Variants in SLC24A2 observed in about 807,000 individuals in gnomAD.
SLC24A2 encodes solute carrier family 24 member 2.
In SLC24A2, 36 loss-of-function variants were observed where a neutral mutation model predicts 62.0. The ratio of observed to expected loss-of-function variants is 0.58; its 90% CI spans 0.44 to 0.77. SLC24A2 has a LOEUF of 0.77. SLC24A2 is among the 30% of genes least tolerant of loss of function. The pLI, the probability that SLC24A2 is intolerant of heterozygous loss-of-function variation, is 0.00. For synonymous variants in SLC24A2, 358 were observed against 294.0 expected, an observed-to-expected ratio of 1.22 and a Z score of -2.23; for missense variants, 846 against 817.9, an observed-to-expected ratio of 1.03 and a Z score of -0.42.
At chr9:20,002,365 C>CTT in the SLC24A2 span, among the ~76,000 whole-genome samples, 31 of 130,232 alleles carry the variant, frequency 2.4e-4, no homozygotes, top group East Asian at 4.4e-4. Flanking sequence ...AGCTACAAAC[C>CTT]TTTTTTTTTT....
At chr9:19,600,678 C>G (rs1314065898) in intron 4 of SLC24A2, among the ~76,000 whole-genome samples, 1 of 152,138 alleles carries the variant, frequency 6.6e-6, no homozygotes, top group Non-Finnish European at 1.5e-5. Context: ...AGCCTTGCTT[C>G]TCTGTGGTGT....
chr9:19,597,241 T>C lies in SLC24A2; in HGVS notation c.1117A>G (p.Met373Val), dbSNP rs1836727245. ...SYGKLKYYDT[M>V]TEEGRFREKA... ...AAATCATTCTTACCTTCTTCAGTCA[T>C]TGTGTCATAATATTTTAGTTTTCCA... Residue 373 changes from methionine (M) to valine (V), a missense_variant, in exon 5 of 11, where the codon ATG (methionine) becomes GTG (valine). Physicochemically the swap from Met to Val is conservative, Grantham distance 21. Coordinates refer to ENST00000341998, the MANE Select transcript of SLC24A2 (RefSeq NM_020344.4). 2 of 1,585,874 alleles carry C rather than the reference T, an allele frequency of 1.3e-6. No homozygotes were observed. Among genetic ancestry groups the C allele is most frequent in the East Asian group, 2.2e-5 (1 of 44,708 alleles).
the SLC24A2 span, among the ~76,000 whole-genome samples, chr9:19,871,046 T>G: frequency 1.3e-5 from 2 of 152,094 alleles, no homozygotes; most frequent in Non-Finnish European, 2.9e-5. Flanking sequence ...GCTTTTGCTG[T>G]CATATCTAAG....
At chr9:19,777,321 T>C (rs1822874136) in intron 2 of SLC24A2, among the ~76,000 whole-genome samples, 3 of 152,224 alleles carry the variant, frequency 2.0e-5, no homozygotes, top group Non-Finnish European at 4.4e-5. Context: ...CTACGTTTCA[T>C]CTATGAAATT....
At chr9:20,104,562 A>G in the SLC24A2 span, among the ~76,000 whole-genome samples, 1 of 152,248 alleles carries the variant, frequency 6.6e-6, no homozygotes, top group Non-Finnish European at 1.5e-5. Context: ...CTTAAAGAAA[A>G]GAACTTTCAA....
At chr9:20,055,260 C>A in the SLC24A2 span, among the ~76,000 whole-genome samples, 1 of 151,966 alleles carries the variant, frequency 6.6e-6, no homozygotes. Flanking sequence ...TTTACTTCTG[C>A]AAAATTTTTC....
At chr9:19,988,039 G>A in the SLC24A2 span, among the ~76,000 whole-genome samples, 1 of 152,200 alleles carries the variant, frequency 6.6e-6, no homozygotes, top group Non-Finnish European at 1.5e-5. Flanking sequence ...TATGACTGCT[G>A]TGGAAATAGT....
At chr9:20,276,577 C>A in the SLC24A2 span, among the ~76,000 whole-genome samples, 1 of 152,174 alleles carries the variant, frequency 6.6e-6, no homozygotes, top group South Asian at 2.1e-4. Flanking sequence ...ATGATGGTGT[C>A]CCTCTTCTCA....
chr9:20,239,959 A>T, the SLC24A2 span, among the ~76,000 whole-genome samples: 1 of 151,744 alleles, frequency 6.6e-6, no homozygotes, highest in Non-Finnish European at 1.5e-5. Flanking sequence ...TTGCCCATGA[A>T]TGGGTTAGGA....
At chr9:19,848,483 C>A in the SLC24A2 span, among the ~76,000 whole-genome samples, 1 of 151,934 alleles carries the variant, frequency 6.6e-6, no homozygotes, top group African/African-American at 2.4e-5. Flanking sequence ...TAGCAGTGTA[C>A]GTAACATATT....
the SLC24A2 span, among the ~76,000 whole-genome samples, chr9:20,281,611 C>T: frequency 6.6e-6 from 1 of 152,166 alleles, no homozygotes. Flanking sequence ...TTTTGTGCCA[C>T]ATAGTGTTGG....
the SLC24A2 span, among the ~76,000 whole-genome samples, chr9:19,834,092 A>G: frequency 6.6e-6 from 1 of 152,218 alleles, no homozygotes; most frequent in East Asian, 1.9e-4. Context: ...CCATCATCAA[A>G]GACCAAAGGT....
intron 5 of SLC24A2, 76 bp from the exon 6 acceptor site, chr9:19,577,098 C>T: frequency 7.0e-6 from 8 of 1,147,330 alleles, no homozygotes; most frequent in Non-Finnish European, 1.1e-5. Flanking sequence ...GGTATGTGGC[C>T]TCCTCAGTCA....
At chr9:19,561,305 T>C (rs1248040109) in intron 7 of SLC24A2, among the ~76,000 whole-genome samples, 1 of 151,450 alleles carries the variant, frequency 6.6e-6, no homozygotes, top group Non-Finnish European at 1.5e-5. Context: ...TTACCTCTTA[T>C]CCATAAGATA....
At chr9:20,117,440 G>A in the SLC24A2 span, among the ~76,000 whole-genome samples, 1 of 152,004 alleles carries the variant, frequency 6.6e-6, no homozygotes, top group Non-Finnish European at 1.5e-5. Flanking sequence ...TCTTTACTAT[G>A]ACAACAAGAA....
At chr9:20,269,834 C>A in the SLC24A2 span, among the ~76,000 whole-genome samples, 2 of 152,072 alleles carry the variant, frequency 1.3e-5, no homozygotes, top group Non-Finnish European at 2.9e-5. Context: ...AGGACTTGAC[C>A]GCTTTCTTGT....
chr9:19,942,311 A>G, the SLC24A2 span, among the ~76,000 whole-genome samples: 1 of 152,186 alleles, frequency 6.6e-6, no homozygotes, highest in Non-Finnish European at 1.5e-5. Context: ...CAAAGATTCA[A>G]GTACTAAAGA....
At chr9:20,174,258 G>A in the SLC24A2 span, among the ~76,000 whole-genome samples, 39,723 of 151,900 alleles carry the variant, frequency 0.26, 6,652 homozygotes, top group Non-Finnish European at 0.38. Flanking sequence ...AGAAGATAAT[G>A]TCGGAAAAAC....
At chr9:20,190,311 T>C in the SLC24A2 span, among the ~76,000 whole-genome samples, 1 of 152,110 alleles carries the variant, frequency 6.6e-6, no homozygotes, top group Non-Finnish European at 1.5e-5. Flanking sequence ...GTCAAGACAA[T>C]CCTTTTAGGG....
Sources: gnomAD v4.1 joint callset for allele counts (sites outside exome capture counted in the v4.1 genomes callset) on GRCh38, gnomAD v4.1.1 for gene constraint, MANE v1.5 for transcripts, NCBI Gene and HGNC (gene_info 2026-07-23, HGNC 2026-07-21) for gene names.